PCDH11X: variants seen among roughly 807,000 people sequenced by gnomAD.
PCDH11X encodes protocadherin-11 X-linked.
A neutral mutation model predicts 53.3 loss-of-function variants in PCDH11X; 18 were observed. The ratio of observed to expected loss-of-function variants is 0.34; its 90% CI spans 0.23 to 0.50. PCDH11X has a LOEUF of 0.50. PCDH11X is among the 20% of genes least tolerant of loss of function. The pLI, the probability that PCDH11X is intolerant of heterozygous loss-of-function variation, is 0.98. For missense variants in PCDH11X, 570 were observed against 1,032.4 expected (o/e 0.55, Z 6.14); for synonymous variants, 279 against 393.3 (o/e 0.71, Z 3.44).
intron 8 of PCDH11X, among the ~76,000 whole-genome samples, chrX:92,298,419 T>C (rs1349033869): frequency 5.4e-5 from 6 of 111,744 alleles, no homozygotes; most frequent in Non-Finnish European, 1.1e-4. Flanking sequence ...AATTTTATTT[T>C]CGGTTCTGTT....
chrX:92,429,632 G>T (rs1426028519), intron 9 of PCDH11X, among the ~76,000 whole-genome samples: 2 of 105,791 alleles, frequency 1.9e-5, no homozygotes, highest in Non-Finnish European at 3.9e-5. Flanking sequence ...GGGTGAGTGG[G>T]TGGGAGTGCT....
intron 6 of PCDH11X, among the ~76,000 whole-genome samples, chrX:92,054,820 C>CAAAAA (rs1174448342): frequency 0.03 from 667 of 22,504 alleles, no homozygotes; most frequent in Non-Finnish European, 0.053. Flanking sequence ...AACTCTGTCT[C>CAAAAA]AAAAAAAAAA....
intron 9 of PCDH11X, among the ~76,000 whole-genome samples, chrX:92,420,955 T>C (rs1465351098): frequency 9.0e-6 from 1 of 111,716 alleles, no homozygotes; most frequent in East Asian, 2.8e-4. Context: ...TTTCCCACTG[T>C]TTCCTGAAGC....
chrX:91,937,610 A>T (rs951086538), intron 6 of PCDH11X, among the ~76,000 whole-genome samples: 3 of 110,304 alleles, frequency 2.7e-5, no homozygotes, highest in Non-Finnish European at 3.8e-5. Flanking sequence ...TCAATAATCT[A>T]TTCTGATATG....
chrX:92,353,886 G>T (rs986863153), intron 8 of PCDH11X, among the ~76,000 whole-genome samples: 2 of 107,238 alleles, frequency 1.9e-5, no homozygotes, highest in Non-Finnish European at 3.8e-5. Flanking sequence ...AACATTGCAT[G>T]TTTAGTTACT....
At chrX:92,570,521 C>T (rs769365582) in intron 10 of PCDH11X, among the ~76,000 whole-genome samples, 1 of 106,986 alleles carries the variant, frequency 9.3e-6, no homozygotes, top group South Asian at 4.2e-4. Context: ...TGTAACTCTT[C>T]ACTGTATGCA....
rs759825817 is a variant in PCDH11X, at chrX:92,275,129, C to A, written c.3144+11986C>A. ...AGTTTGTGATTTTTAGGGCCTCTAA[C>A]AGTATTAAAGCAGTGGCAGCCTCTG... On this transcript the variant is annotated intron_variant, in intron 8 of 10. Transcript: ENST00000682573. Among the ~76,000 whole-genome samples the A allele has an allele frequency of 9.8e-3, 980 of 100,251 alleles. 16 individuals carry two copies. The highest frequency in any genetic ancestry group is 0.033 in the African/African-American group (931 of 27,912). The allele number at this position is 100,251 out of a possible 115,157, so 87.1% of individuals were successfully genotyped here.
intron 8 of PCDH11X, among the ~76,000 whole-genome samples, chrX:92,303,491 G>T (rs188502279): frequency 7.2e-5 from 8 of 111,131 alleles, no homozygotes; most frequent in Admixed American, 3.8e-4. Flanking sequence ...TCCAACTGAG[G>T]TAAATATAAA....
chrX:92,459,000 G>A (rs888739168), intron 9 of PCDH11X, among the ~76,000 whole-genome samples: 13 of 111,282 alleles, frequency 1.2e-4, no homozygotes, highest in Admixed American at 3.8e-4. Flanking sequence ...CATCAAAAGC[G>A]TAGGAGCGTT....
At chrX:92,293,420 C>G (rs1212563850) in intron 8 of PCDH11X, among the ~76,000 whole-genome samples, 2 of 109,556 alleles carry the variant, frequency 1.8e-5, no homozygotes, top group Non-Finnish European at 3.8e-5. Flanking sequence ...GTCAGGAGAT[C>G]GAGACCATCC....
intron 6 of PCDH11X, among the ~76,000 whole-genome samples, chrX:91,900,814 C>G (rs992575307): frequency 2.7e-5 from 3 of 111,128 alleles, no homozygotes; most frequent in African/African-American, 9.8e-5. Context: ...TAGAATAGCT[C>G]ATAAGCACAT....
At chrX:92,014,819 G>T (rs1443944014) in intron 6 of PCDH11X, among the ~76,000 whole-genome samples, 2 of 111,148 alleles carry the variant, frequency 1.8e-5, no homozygotes, top group African/African-American at 3.3e-5. Context: ...CTCACTCATA[G>T]GTGGGAATTG....
chrX:91,885,692 C>T (rs1192864588), intron 6 of PCDH11X, among the ~76,000 whole-genome samples: 2 of 111,310 alleles, frequency 1.8e-5, no homozygotes, highest in East Asian at 5.6e-4. Flanking sequence ...AGGTCCTAAT[C>T]ACTCCTTTGT....
intron 1 of PCDH11X, among the ~76,000 whole-genome samples, chrX:91,800,194 ACT>A (rs747344256): frequency 1.2e-4 from 13 of 108,951 alleles, no homozygotes; most frequent in Non-Finnish European, 1.7e-4. Context: ...AATTTTCACT[ACT>A]CTTTCTTCAT....
At chrX:92,301,794 A>G (rs2068730550) in intron 8 of PCDH11X, among the ~76,000 whole-genome samples, 1 of 109,639 alleles carries the variant, frequency 9.1e-6, no homozygotes, top group South Asian at 4.0e-4. Context: ...AATGAATTAG[A>G]AAGTATTCCC....
intron 6 of PCDH11X, among the ~76,000 whole-genome samples, chrX:92,149,469 G>T (rs6618878): frequency 2.1e-5 from 2 of 96,075 alleles, no homozygotes; most frequent in Non-Finnish European, 4.0e-5. Flanking sequence ...GTGTGTGTGT[G>T]TGTATATATG....
At chrX:92,461,612 A>G (rs1411621647) in intron 9 of PCDH11X, among the ~76,000 whole-genome samples, 1 of 112,176 alleles carries the variant, frequency 8.9e-6, no homozygotes, top group Non-Finnish European at 1.9e-5. Context: ...CTACTACAAG[A>G]AAACATTGGA....
chrX:92,213,671 T>C (rs974107663), intron 7 of PCDH11X, among the ~76,000 whole-genome samples: 1 of 111,594 alleles, frequency 9.0e-6, no homozygotes, highest in Admixed American at 9.6e-5. Flanking sequence ...ATAAAAGGCT[T>C]ATGAGCTCCC....
chrX:91,899,141 C>A lies in PCDH11X; in HGVS notation c.3033+19868C>A, dbSNP rs537235451. ...ATGAAGTCCCACAATAGGCTGACTG[C>A]AAGCTGAGGAGCAAGGAAGCGAGTT... On this transcript the variant is annotated intron_variant, in intron 6 of 10. Coordinates refer to ENST00000682573, the MANE Select transcript of PCDH11X (RefSeq NM_032968.5). 1.2e-3 allele frequency among the ~76,000 whole-genome samples: 136 copies of A among 111,076 alleles called. 3 individuals carry two copies. In the South Asian group the frequency reaches 0.052, roughly 43 times the overall value.
Sources: allele counts gnomAD v4.1 joint callset (sites outside exome capture counted in the v4.1 genomes callset), GRCh38; gene constraint gnomAD v4.1.1; transcripts MANE v1.5; gene names NCBI Gene and HGNC (gene_info 2026-07-23, HGNC 2026-07-21).